Variants in MACROD2 observed in about 807,000 individuals in gnomAD.
MACROD2 encodes the protein ADP-ribose glycohydrolase MACROD2.
In MACROD2, 36 loss-of-function variants were observed where a neutral mutation model predicts 70.4. That is an observed-to-expected ratio of 0.51 (90% CI 0.39 to 0.68). The LOEUF (loss-of-function observed/expected upper bound fraction) is 0.68. Among genes scored for constraint, MACROD2 ranks in the 30% least tolerant of loss-of-function variants. The pLI is 0.00. For missense variants in MACROD2, 496 were observed against 538.4 expected (o/e 0.92, Z 0.78); for synonymous variants, 172 against 178.8 (o/e 0.96, Z 0.30).
intron 15 of MACROD2, among the ~76,000 whole-genome samples, chr20:16,008,719 A>G (rs571092396): frequency 3.9e-5 from 6 of 152,340 alleles, no homozygotes; most frequent in Admixed American, 3.9e-4. Flanking sequence ...AATCAATATT[A>G]ATTATTGTGG....
chr20:15,411,528 A>G (rs1016868927), intron 6 of MACROD2, among the ~76,000 whole-genome samples: 2 of 152,236 alleles, frequency 1.3e-5, no homozygotes, highest in Non-Finnish European at 2.9e-5. Flanking sequence ...TTTGAAAGCT[A>G]TACTTTATCC....
At chr20:14,723,197 A>C (rs568654966) in intron 5 of MACROD2, among the ~76,000 whole-genome samples, 8 of 152,152 alleles carry the variant, frequency 5.3e-5, no homozygotes, top group African/African-American at 1.9e-4. Flanking sequence ...AAAGACTATT[A>C]TTGAGCTTGG....
chr20:14,382,480 C>T (rs900210680), intron 3 of MACROD2, among the ~76,000 whole-genome samples: 5 of 151,738 alleles, frequency 3.3e-5, no homozygotes, highest in African/African-American at 4.8e-5. Flanking sequence ...ACCAGCCTGA[C>T]CAACGTGGAG....
chr20:15,437,126 A>G (rs6079822), intron 7 of MACROD2, among the ~76,000 whole-genome samples: 29,281 of 152,202 alleles, frequency 0.19, 3,059 homozygotes, highest in Non-Finnish European at 0.25. Flanking sequence ...AGAAATTTAT[A>G]TATGCCTTTT....
At chr20:14,389,669 T>G (rs1280519939) in intron 3 of MACROD2, among the ~76,000 whole-genome samples, 3 of 152,192 alleles carry the variant, frequency 2.0e-5, no homozygotes, top group Admixed American at 6.5e-5. Context: ...AATACTGCAT[T>G]TTTACATTTG....
chr20:14,261,356 A>G (rs1393845560), intron 3 of MACROD2, among the ~76,000 whole-genome samples: 1 of 152,172 alleles, frequency 6.6e-6, no homozygotes, highest in Non-Finnish European at 1.5e-5. Context: ...TGTATTCTTA[A>G]CCAAAAATCT....
At chr20:15,801,448 T>C (rs2063725573) in intron 8 of MACROD2, among the ~76,000 whole-genome samples, 1 of 151,284 alleles carries the variant, frequency 6.6e-6, no homozygotes, top group Non-Finnish European at 1.5e-5. Flanking sequence ...GCTGAGGAAC[T>C]TCCAGAATGC....
intron 3 of MACROD2, among the ~76,000 whole-genome samples, chr20:14,107,825 C>T (rs566088065): frequency 1.3e-5 from 2 of 152,028 alleles, no homozygotes; most frequent in African/African-American, 4.8e-5. Context: ...GAAAGACCTT[C>T]CCAGAGAAAG....
At chr20:14,679,722 G>A (rs186192139) in intron 4 of MACROD2, among the ~76,000 whole-genome samples, 8 of 135,208 alleles carry the variant, frequency 5.9e-5, no homozygotes, top group East Asian at 4.2e-4. Flanking sequence ...TATTACCATT[G>A]CCCTTTTCTC....
chr20:14,322,407 CTT>C (rs201800951), intron 3 of MACROD2, among the ~76,000 whole-genome samples: 14 of 134,370 alleles, frequency 1.0e-4, no homozygotes, highest in African/African-American at 1.1e-4. Context: ...AATATAATCT[CTT>C]TTTTTTTTTT....
At chr20:14,201,144 A>C (rs2081476358) in intron 3 of MACROD2, among the ~76,000 whole-genome samples, 1 of 152,080 alleles carries the variant, frequency 6.6e-6, no homozygotes, top group Non-Finnish European at 1.5e-5. Context: ...TTTTGTGTTA[A>C]ATTTTTAACG....
intron 8 of MACROD2, among the ~76,000 whole-genome samples, chr20:15,774,047 C>CTCTCTT (rs2051680166): frequency 1.0e-5 from 1 of 97,550 alleles, no homozygotes; most frequent in South Asian, 3.2e-4. Flanking sequence ...AAAATATTTT[C>CTCTCTT]TCTCTTTCTC....
At chr20:14,011,143 G>A (rs1439216063) in intron 2 of MACROD2, among the ~76,000 whole-genome samples, 1 of 152,108 alleles carries the variant, frequency 6.6e-6, no homozygotes, top group Non-Finnish European at 1.5e-5. Context: ...GATATTTGTG[G>A]TGTTGAACTC....
intron 5 of MACROD2, among the ~76,000 whole-genome samples, chr20:15,015,480 T>G (rs1234505748): frequency 6.6e-6 from 1 of 152,066 alleles, no homozygotes; most frequent in Non-Finnish European, 1.5e-5. Flanking sequence ...TGTGTGTTTT[T>G]TTTTTTTTGG....
At chr20:14,884,916 C>G (rs557153652) in intron 5 of MACROD2, among the ~76,000 whole-genome samples, 1 of 152,296 alleles carries the variant, frequency 6.6e-6, no homozygotes, top group Admixed American at 6.5e-5. Flanking sequence ...AAGAGCCCAT[C>G]TAATTGCCAG....
At chr20:15,655,985 C>A (rs1046265602) in intron 8 of MACROD2, among the ~76,000 whole-genome samples, 19 of 152,048 alleles carry the variant, frequency 1.2e-4, no homozygotes, top group Non-Finnish European at 2.6e-4. Flanking sequence ...GTAATGGTAA[C>A]CTGGATTGTT....
At chr20:15,041,409 T>G (rs1010851939) in intron 5 of MACROD2, among the ~76,000 whole-genome samples, 2 of 152,126 alleles carry the variant, frequency 1.3e-5, no homozygotes, top group African/African-American at 4.8e-5. Context: ...AGAATACTAC[T>G]TCTAGATTTT....
At chr20:15,454,219 T>G (rs1427709761) in intron 7 of MACROD2, among the ~76,000 whole-genome samples, 1 of 152,148 alleles carries the variant, frequency 6.6e-6, no homozygotes, top group Non-Finnish European at 1.5e-5. Flanking sequence ...GCTGTATCTT[T>G]AATAAGAACA....
At chr20:15,161,344 A>C (rs2076347063) in intron 5 of MACROD2, among the ~76,000 whole-genome samples, 1 of 150,226 alleles carries the variant, frequency 6.7e-6, no homozygotes, top group Non-Finnish European at 1.5e-5. Flanking sequence ...TATAATATGA[A>C]AATTATTAAT....
Sources: gnomAD v4.1 joint callset for allele counts (sites outside exome capture counted in the v4.1 genomes callset) on GRCh38, gnomAD v4.1.1 for gene constraint, MANE v1.5 for transcripts, NCBI Gene and HGNC (gene_info 2026-07-23, HGNC 2026-07-21) for gene names.